The following LAMA2 variants were observed in gnomAD, a reference collection of about 807,000 sequenced individuals.
The protein encoded by LAMA2 is laminin subunit alpha-2.
A neutral mutation model predicts 364.8 loss-of-function variants in LAMA2; 269 were observed. The observed-to-expected ratio is 0.74, with a 90% CI of 0.67 to 0.82. The LOEUF (loss-of-function observed/expected upper bound fraction) is 0.82. LAMA2 is among the 40% of genes least tolerant of loss of function. The probability of loss-of-function intolerance (pLI) is 0.00; values close to 1 mark genes in which losing one functional copy is unlikely to be tolerated. For missense variants in LAMA2, 3,807 were observed against 3,873.2 expected, an observed-to-expected ratio of 0.98 and a Z score of 0.45; for synonymous variants, 1,379 against 1,370.6, an observed-to-expected ratio of 1.01 and a Z score of -0.14.
intron 20 of LAMA2, chr6:129,292,757 A>G: frequency 2.1e-6 from 2 of 965,992 alleles, no homozygotes; most frequent in Non-Finnish European, 2.5e-6. Flanking sequence ...GAATAATATC[A>G]TTGCTCTGTT....
intron 4 of LAMA2, 60 bp from the exon 5 acceptor site, chr6:129,143,841 C>T: frequency 7.9e-7 from 1 of 1,268,056 alleles, no homozygotes; most frequent in Non-Finnish European, 1.1e-6. Flanking sequence ...GAAAAAGAAA[C>T]AAAATCAATA....
In LAMA2 at chr6:129,287,877, T is replaced by C. The variant is rs752650421; in HGVS notation, c.2568T>C (p.Ser856=). Residue 856 remains serine (S), a synonymous_variant, in exon 19 of 65, where the codon TCT becomes TCC. Coordinates refer to ENST00000421865, the MANE Select transcript of LAMA2 (RefSeq NM_000426.4). The part of the protein sequence containing the change: ...RCAEGYFGQP[S]VPGGSCQPCQ... ...CAGAAGGCTATTTTGGACAACCCTC[T>C]GTACCTGGAGGATCATGTCAGCCAT... 1.2e-6 allele frequency: 2 copies of C among 1,614,016 alleles called. No individual in the cohort carries two copies. The highest frequency in any genetic ancestry group is 2.2e-5 in the South Asian group (2 of 91,074).
intron 11 of LAMA2, among the ~76,000 whole-genome samples, chr6:129,190,884 G>A (rs999224580): frequency 6.6e-6 from 1 of 152,156 alleles, no homozygotes; most frequent in African/African-American, 2.4e-5. Flanking sequence ...AATAGCAACT[G>A]AAATTTTCTT....
chr6:129,515,593 G>A (rs973404469), intron 64 of LAMA2, among the ~76,000 whole-genome samples: 1 of 151,098 alleles, frequency 6.6e-6, no homozygotes, highest in African/African-American at 2.4e-5. Context: ...TTTTTACAAT[G>A]TAAGAAAGTG....
At chr6:129,157,375 G>A in intron 8 of LAMA2, 1 of 888,932 alleles carries the variant, frequency 1.1e-6, no homozygotes, top group East Asian at 2.6e-5. Flanking sequence ...TAAGAGTACT[G>A]AAAGGTTTAA....
intron 4 of LAMA2, among the ~76,000 whole-genome samples, chr6:129,122,229 T>C (rs1263045527): frequency 1.3e-5 from 2 of 152,242 alleles, no homozygotes; most frequent in Non-Finnish European, 2.9e-5. Flanking sequence ...TTTCTAACCA[T>C]ATTTATGCAA....
At chr6:129,065,819 T>A (rs903851802) in intron 3 of LAMA2, among the ~76,000 whole-genome samples, 1 of 151,894 alleles carries the variant, frequency 6.6e-6, no homozygotes, top group Non-Finnish European at 1.5e-5. Flanking sequence ...GGGAGTGTTT[T>A]CCCCCATGCT....
At position 128,968,228 on chromosome 6, in the gene LAMA2, G is replaced by A. The variant is rs540195988; in HGVS notation, c.113-81690G>A. On this transcript the variant is annotated intron_variant, in intron 1 of 64. Transcript: ENST00000421865. ...ACTCATGCCCTAGATGTAACCATCCGTTCTGGGGAATATGGCTTGATAAAC... is the reference window on the plus strand; with the variant it reads ...ACTCATGCCCTAGATGTAACCATCCATTCTGGGGAATATGGCTTGATAAAC... Among the ~76,000 whole-genome samples the A allele has an allele frequency of 3.9e-5, 6 of 152,244 alleles. 1 individual carries two copies. The highest frequency in any genetic ancestry group is 1.4e-4 in the African/African-American group (6 of 41,558).
chr6:128,910,847 C>A (rs552701148), intron 1 of LAMA2, among the ~76,000 whole-genome samples: 1,679 of 150,300 alleles, frequency 0.011, 42 homozygotes, highest in African/African-American at 0.04. Context: ...ATTAGTTTTC[C>A]TTCTAACAGA....
At chr6:129,488,568 C>T (rs1468748146) in intron 56 of LAMA2, among the ~76,000 whole-genome samples, 1 of 152,124 alleles carries the variant, frequency 6.6e-6, no homozygotes, top group East Asian at 1.9e-4. Context: ...TGATTAAGCT[C>T]AGTATATAGT....
chr6:129,390,560 A>G (rs980144281), intron 35 of LAMA2, among the ~76,000 whole-genome samples: 22 of 152,148 alleles, frequency 1.4e-4, no homozygotes, highest in Admixed American at 1.4e-3. Flanking sequence ...GAGTTTTCAA[A>G]GGTAATATTA....
At chr6:129,198,952 C>A (rs1782012718) in intron 12 of LAMA2, among the ~76,000 whole-genome samples, 1 of 152,000 alleles carries the variant, frequency 6.6e-6, no homozygotes, top group Non-Finnish European at 1.5e-5. Context: ...TTTAAAAATG[C>A]AAAATTATAC....
At chr6:129,143,836 A>G (rs1216673801) in intron 4 of LAMA2, 65 bp from the exon 5 acceptor site, 7 of 1,229,716 alleles carry the variant, frequency 5.7e-6, no homozygotes, top group African/African-American at 1.5e-5. Context: ...TCCAAGAAAA[A>G]GAAACAAAAT....
At chr6:128,908,886 G>A (rs1261882333) in intron 1 of LAMA2, among the ~76,000 whole-genome samples, 4 of 147,162 alleles carry the variant, frequency 2.7e-5, no homozygotes, top group South Asian at 2.2e-4. Flanking sequence ...CCTTCATTTC[G>A]TTATGTACCC....
chr6:129,044,473 A>G (rs1294933116), intron 1 of LAMA2, among the ~76,000 whole-genome samples: 2 of 151,882 alleles, frequency 1.3e-5, no homozygotes, highest in Non-Finnish European at 2.9e-5. Context: ...TTTTTTTCAA[A>G]TGTTTGCCAT....
rs1776907269 is a variant in LAMA2 at position 129,352,500 on chromosome 6, A to T, written c.4524-664A>T. ...AAAAGATGAATAAAAGTAAACAGAA[A>T]ATCTGAGTAGCCTATTGCCACTTAA... On this transcript the variant is annotated intron_variant, in intron 31 of 64. Transcript: ENST00000421865. 2.0e-5 allele frequency among the ~76,000 whole-genome samples: 3 copies of T among 152,208 alleles called. No individual in the cohort carries two copies. The South Asian group carries it at 6.2e-4, about 31-fold the overall frequency.
chr6:129,312,218 G>T lies in LAMA2; in HGVS notation c.3175-643G>T, dbSNP rs938542186. Among the ~76,000 whole-genome samples, 3 of 151,170 alleles carry T rather than the reference G, an allele frequency of 2.0e-5. No individual in the cohort carries two copies. In the East Asian group the frequency reaches 5.8e-4, roughly 29 times the overall value. On this transcript the variant is annotated intron_variant, in intron 22 of 64. Transcript: ENST00000421865. ...AAAATATGAATTATGTAAATAAAGA[G>T]AAAATCGTGTATACATCTTGGGCGA...
chr6:129,092,595 A>T (rs564862327), intron 3 of LAMA2, among the ~76,000 whole-genome samples: 1 of 152,316 alleles, frequency 6.6e-6, no homozygotes, highest in Admixed American at 6.5e-5. Flanking sequence ...AAAGTGCAGA[A>T]CCTCTTTAGA....
intron 34 of LAMA2, among the ~76,000 whole-genome samples, chr6:129,380,868 A>G (rs1778643860): frequency 6.6e-6 from 1 of 152,224 alleles, no homozygotes; most frequent in Admixed American, 6.5e-5. Flanking sequence ...AATAAAATGC[A>G]TGTGAATGAT....
Sources: allele counts gnomAD v4.1 joint callset (sites outside exome capture counted in the v4.1 genomes callset), GRCh38; gene constraint gnomAD v4.1.1; transcripts MANE v1.5; gene names NCBI Gene and HGNC (gene_info 2026-07-23, HGNC 2026-07-21).